CNBD1: variants seen among roughly 807,000 people sequenced by gnomAD.
CNBD1 encodes the protein cyclic nucleotide binding domain containing 1.
Under a neutral mutation model 54.4 loss-of-function variants are expected in CNBD1, and 71 were observed. The ratio of observed to expected loss-of-function variants is 1.30; its 90% CI spans 1.08 to 1.59. The LOEUF is 1.59. CNBD1 is among the 40% of genes most tolerant of loss of function. The probability of loss-of-function intolerance (pLI) is 0.00; values close to 1 mark genes in which losing one functional copy is unlikely to be tolerated. For synonymous variants in CNBD1, 182 were observed against 170.7 expected (o/e 1.07, Z -0.51); for missense variants, 659 against 518.0 (o/e 1.27, Z -2.64).
At chr8:87,321,700 T>C (rs1393356768) in intron 8 of CNBD1, among the ~76,000 whole-genome samples, 1 of 152,150 alleles carries the variant, frequency 6.6e-6, no homozygotes, top group Non-Finnish European at 1.5e-5. Flanking sequence ...TTTGATATAA[T>C]CTCATTTGTC....
intron 4 of CNBD1, among the ~76,000 whole-genome samples, chr8:87,035,277 CAAATATT>C (rs1249433515): frequency 6.6e-6 from 1 of 152,000 alleles, no homozygotes; most frequent in African/African-American, 2.4e-5. Flanking sequence ...AACTGTAACC[CAAATATT>C]GAATATTGGA....
intron 6 of CNBD1, among the ~76,000 whole-genome samples, chr8:87,257,143 G>A (rs1808040121): frequency 6.6e-6 from 1 of 152,020 alleles, no homozygotes; most frequent in South Asian, 2.1e-4. Flanking sequence ...ACTGAGGTGG[G>A]TGGATCACCT....
chr8:87,251,259 C>G (rs1048832537), intron 6 of CNBD1, among the ~76,000 whole-genome samples: 2 of 152,094 alleles, frequency 1.3e-5, no homozygotes, highest in African/African-American at 4.8e-5. Flanking sequence ...GAATGTTGGA[C>G]ATGACTGTTA....
At chr8:87,188,449 G>T (rs114122103) in intron 4 of CNBD1, among the ~76,000 whole-genome samples, 300 of 152,274 alleles carry the variant, frequency 2.0e-3, no homozygotes, top group African/African-American at 6.4e-3. Flanking sequence ...AATGAAGGAG[G>T]CTCGGTGCGG....
intron 10 of CNBD1, among the ~76,000 whole-genome samples, chr8:87,354,696 A>G (rs113993868): frequency 0.03 from 4,591 of 151,946 alleles, 159 homozygotes; most frequent in African/African-American, 0.082. Context: ...TGAGAATGAT[A>G]GTTTCCAGCT....
At chr8:87,015,485 A>T (rs1380687498) in intron 4 of CNBD1, among the ~76,000 whole-genome samples, 1 of 152,074 alleles carries the variant, frequency 6.6e-6, no homozygotes, top group East Asian at 1.9e-4. Flanking sequence ...ATGCCCAGCG[A>T]AATACTGGCT....
At chr8:86,891,710 T>C (rs997330449) in intron 2 of CNBD1, among the ~76,000 whole-genome samples, 2 of 152,126 alleles carry the variant, frequency 1.3e-5, no homozygotes, top group African/African-American at 4.8e-5. Context: ...ATTCTTCTAA[T>C]CAGTGAACAT....
chr8:86,989,966 T>C (rs1032768680), intron 4 of CNBD1, among the ~76,000 whole-genome samples: 1 of 152,208 alleles, frequency 6.6e-6, no homozygotes, highest in Non-Finnish European at 1.5e-5. Flanking sequence ...TGAGCATTTT[T>C]TCATACACCT....
chr8:86,977,747 A>T (rs1215905591), intron 4 of CNBD1, among the ~76,000 whole-genome samples: 1 of 152,158 alleles, frequency 6.6e-6, no homozygotes, highest in Non-Finnish European at 1.5e-5. Flanking sequence ...CAGGAATAAA[A>T]GGTCTGCTAT....
downstream of CNBD1, among the ~76,000 whole-genome samples, chr8:87,385,616 T>C (rs556288261): frequency 0.019 from 2,860 of 152,046 alleles, 91 homozygotes; most frequent in African/African-American, 0.062. Flanking sequence ...ACAAAGTGGC[T>C]GGGAAGCTGG....
At chr8:87,409,097 G>T (rs772680837) in intron 2 of CNBD1, among the ~76,000 whole-genome samples, 1 of 152,156 alleles carries the variant, frequency 6.6e-6, no homozygotes, top group Non-Finnish European at 1.5e-5. Context: ...AATGAGGAAG[G>T]CATGTCGAAA....
At position 87,188,764 on chromosome 8, in the gene CNBD1, T is replaced by A. The variant is rs28488682; in HGVS notation, c.432-17229T>A. ...ACTCCATCTCAAAAAAAAAAAAAAA[T>A]AAAAATAAAAAATAAGTAAATAAAT... is the stretch of plus-strand genomic sequence containing the variant. On this transcript the variant is annotated intron_variant, in intron 4 of 10. Transcript: ENST00000518476. Among the ~76,000 whole-genome samples the A allele has an allele frequency of 7.9e-3, 1,068 of 134,376 alleles. 14 individuals are homozygous for A. Among genetic ancestry groups the A allele is most frequent in the African/African-American group, 0.028 (984 of 34,648 alleles). 88.2% of individuals were successfully genotyped at this position (134,376 alleles called of 152,430 possible).
intron 4 of CNBD1, among the ~76,000 whole-genome samples, chr8:87,132,279 G>A (rs1056108601): frequency 1.3e-5 from 2 of 151,632 alleles, no homozygotes; most frequent in Non-Finnish European, 3.0e-5. Flanking sequence ...ATTTTAGTAA[G>A]TTTGATATCT....
chr8:87,026,746 T>A (rs1360923047), intron 4 of CNBD1, among the ~76,000 whole-genome samples: 2 of 152,224 alleles, frequency 1.3e-5, no homozygotes, highest in African/African-American at 4.8e-5. Flanking sequence ...CTACCTTGTT[T>A]CATAAATAAC....
At chr8:87,058,257 G>A (rs4626616) in intron 4 of CNBD1, among the ~76,000 whole-genome samples, 32,401 of 152,104 alleles carry the variant, frequency 0.21, 3,610 homozygotes, top group Non-Finnish European at 0.26. Flanking sequence ...GTTGCTTTGC[G>A]TACAATCCTC....
At chr8:87,372,036 G>A (rs1278628128) in intron 10 of CNBD1, among the ~76,000 whole-genome samples, 2 of 151,966 alleles carry the variant, frequency 1.3e-5, no homozygotes, top group African/African-American at 4.8e-5. Context: ...TAGGAAAAGA[G>A]GAAGTCAAAT....
chr8:87,062,242 A>G (rs920332531), intron 4 of CNBD1, among the ~76,000 whole-genome samples: 11 of 152,356 alleles, frequency 7.2e-5, no homozygotes, highest in Middle Eastern at 3.4e-3. Context: ...TGACAGTGGC[A>G]GCTTTTTTCA....
At chr8:87,332,916 A>G (rs927535556) in intron 8 of CNBD1, among the ~76,000 whole-genome samples, 1 of 152,178 alleles carries the variant, frequency 6.6e-6, no homozygotes, top group Middle Eastern at 3.4e-3. Flanking sequence ...AAGAATATCA[A>G]TGGTAGTTTG....
chr8:87,285,031 AT>A (rs1200748224), intron 7 of CNBD1, among the ~76,000 whole-genome samples: 2 of 152,060 alleles, frequency 1.3e-5, no homozygotes, highest in African/African-American at 2.4e-5. Context: ...ATTTCAGGTA[AT>A]TTTTAAATAC....
Sources: gnomAD v4.1 joint callset for allele counts (sites outside exome capture counted in the v4.1 genomes callset) on GRCh38, gnomAD v4.1.1 for gene constraint, MANE v1.5 for transcripts, NCBI Gene and HGNC (gene_info 2026-07-23, HGNC 2026-07-21) for gene names.